Variants in CARMIL1 observed in about 807,000 individuals in gnomAD.
The protein encoded by CARMIL1 is capping protein regulator and myosin 1 linker 1.
In CARMIL1, 90 loss-of-function variants were observed where a neutral mutation model predicts 177.1. The observed-to-expected ratio is 0.51, with a 90% CI of 0.43 to 0.61. The LOEUF (loss-of-function observed/expected upper bound fraction) is 0.61. Among genes scored for constraint, CARMIL1 ranks in the 20% least tolerant of loss-of-function variants. CARMIL1 has a pLI of 0.00. For missense variants in CARMIL1, 1,380 were observed against 1,667.0 expected (o/e 0.83, Z 3.00); for synonymous variants, 577 against 606.2 (o/e 0.95, Z 0.71).
intron 23 of CARMIL1, among the ~76,000 whole-genome samples, chr6:25,526,976 G>A (rs1233111294): frequency 6.6e-6 from 1 of 152,160 alleles, no homozygotes; most frequent in Admixed American, 6.5e-5. Flanking sequence ...AAAAAATACT[G>A]TGATTCAATA....
rs78975171 is a variant in CARMIL1, at chr6:25,554,683, C to T, written c.2592+587C>T. On this transcript the variant is annotated intron_variant, in intron 28 of 36. Coordinates refer to ENST00000329474, the MANE Select transcript of CARMIL1 (RefSeq NM_017640.6). The surrounding 1 kb of genome is among the most constrained non-coding windows in gnomAD (Gnocchi z 4.6). ...AAAATGTATCAGAAACTCAATGTTGCGCAAACTTCAGGAAGTTCTCTGAGG... is the reference window on the plus strand; with the variant it reads ...AAAATGTATCAGAAACTCAATGTTGTGCAAACTTCAGGAAGTTCTCTGAGG... 0.065 allele frequency among the ~76,000 whole-genome samples: 9,877 copies of T among 152,120 alleles called. 402 individuals are homozygous for T. The highest frequency in any genetic ancestry group is 0.095 in the Non-Finnish European group (6,459 of 67,998).
At chr6:25,573,070 G>T (rs1208439968) in intron 29 of CARMIL1, among the ~76,000 whole-genome samples, 3 of 152,124 alleles carry the variant, frequency 2.0e-5, no homozygotes, top group Non-Finnish European at 4.4e-5. Context: ...GGATCTAGAA[G>T]TGAACAAGAC....
intron 2 of CARMIL1, among the ~76,000 whole-genome samples, chr6:25,386,576 C>T (rs1232169986): frequency 1.3e-5 from 2 of 152,158 alleles, no homozygotes; most frequent in Non-Finnish European, 2.9e-5. Flanking sequence ...GCTACTTGAA[C>T]TTTGTTAGTA....
intron 2 of CARMIL1, among the ~76,000 whole-genome samples, chr6:25,389,974 G>T (rs1160864064): frequency 6.6e-6 from 1 of 151,956 alleles, no homozygotes; most frequent in East Asian, 1.9e-4. Flanking sequence ...TTTTCTGGTG[G>T]CAATTGCCTA....
chr6:25,397,070 G>T (rs1197576432), intron 2 of CARMIL1, among the ~76,000 whole-genome samples: 1 of 152,118 alleles, frequency 6.6e-6, no homozygotes, highest in African/African-American at 2.4e-5. Context: ...ATTGAGGGGG[G>T]ATACCAAGAT....
intron 29 of CARMIL1, among the ~76,000 whole-genome samples, chr6:25,573,537 C>G (rs80180116): frequency 6.9e-6 from 1 of 145,866 alleles, no homozygotes; most frequent in Admixed American, 7.1e-5. Flanking sequence ...GGCCAAAAGA[C>G]GCCTCTGCCA....
intron 5 of CARMIL1, among the ~76,000 whole-genome samples, chr6:25,437,656 A>G (rs972770037): frequency 1.4e-4 from 21 of 151,846 alleles, no homozygotes; most frequent in African/African-American, 5.1e-4. Flanking sequence ...CCCACACTGG[A>G]CTCCTCACTT....
intron 2 of CARMIL1, among the ~76,000 whole-genome samples, chr6:25,374,789 T>G (rs1161395162): frequency 6.6e-6 from 1 of 152,206 alleles, no homozygotes; most frequent in East Asian, 1.9e-4. Context: ...TTGTCTTTTT[T>G]TACTGTTGTT....
intron 2 of CARMIL1, among the ~76,000 whole-genome samples, chr6:25,384,756 C>T (rs1186542007): frequency 6.6e-6 from 1 of 152,212 alleles, no homozygotes; most frequent in Admixed American, 6.5e-5. Context: ...GAGACAGTTC[C>T]AGCAGGTACT....
At chr6:25,587,100 A>AGTTTCCTT (rs1813826225) in intron 31 of CARMIL1, among the ~76,000 whole-genome samples, 1 of 152,094 alleles carries the variant, frequency 6.6e-6, no homozygotes, top group African/African-American at 2.4e-5. Flanking sequence ...AACTAGGCAC[A>AGTTTCCTT]AAAATTTAAC....
chr6:25,449,882 GT>G lies in CARMIL1; in HGVS notation c.372-14del. On this transcript the variant is annotated splice_polypyrimidine_tract_variant and intron_variant, in intron 5 of 36. Coordinates refer to ENST00000329474, the MANE Select transcript of CARMIL1 (RefSeq NM_017640.6). ...AGTGTGGTTTGTGAAATGTGTTGTT[GT>G]TGTTGATCTTACAGGAGAATCATGA... is the stretch of plus-strand genomic sequence containing the variant. The G allele has an allele frequency of 1.3e-6, 2 of 1,522,860 alleles. No individual in the cohort carries two copies. Among genetic ancestry groups the G allele is most frequent in the Non-Finnish European group, 1.8e-6 (2 of 1,107,542 alleles). 94.3% of individuals were successfully genotyped at this position (1,522,860 alleles called of 1,614,324 possible).
In CARMIL1 at chr6:25,321,208, T is replaced by C. The variant is rs55798209; in HGVS notation, c.138+36299T>C. ...TATATGATATTTGGCTAGTAAAATG[T>C]GATCCTTTAATATTTTTCAATCTTT... is the stretch of plus-strand genomic sequence containing the variant. On this transcript the variant is annotated intron_variant, in intron 2 of 36. Transcript: ENST00000329474. Among the ~76,000 whole-genome samples, 1,487 of 152,356 alleles carry C rather than the reference T, an allele frequency of 9.8e-3. 8 individuals carry two copies. Among genetic ancestry groups the C allele is most frequent in the Middle Eastern group, 0.054 (16 of 294 alleles).
intron 2 of CARMIL1, among the ~76,000 whole-genome samples, chr6:25,338,972 A>G (rs1373791709): frequency 6.6e-6 from 1 of 152,170 alleles, no homozygotes; most frequent in East Asian, 1.9e-4. Flanking sequence ...AGGCTATATT[A>G]TAGTTTCGAT....
chr6:25,329,720 G>C (rs1785434248), intron 2 of CARMIL1, among the ~76,000 whole-genome samples: 1 of 152,134 alleles, frequency 6.6e-6, no homozygotes, highest in Admixed American at 6.5e-5. Context: ...ATTTCTTCTT[G>C]CTTCAGACAA....
At chr6:25,449,423 C>T (rs1227088542) in intron 5 of CARMIL1, among the ~76,000 whole-genome samples, 3 of 151,992 alleles carry the variant, frequency 2.0e-5, no homozygotes, top group African/African-American at 7.3e-5. Context: ...GTTCTCTGCC[C>T]CAGAAGAATC....
At chr6:25,318,084 A>G (rs1784414089) in intron 2 of CARMIL1, among the ~76,000 whole-genome samples, 1 of 152,194 alleles carries the variant, frequency 6.6e-6, no homozygotes. Context: ...TGGGCTTGGA[A>G]TGTGCCAGAC....
At chr6:25,517,466 A>C in intron 22 of CARMIL1, 51 bp downstream of exon 22, 2 of 1,374,280 alleles carry the variant, frequency 1.5e-6, no homozygotes, top group Non-Finnish European at 1.0e-6. Flanking sequence ...ACAAAAACCA[A>C]TGGTATATAT....
chr6:25,541,433 C>A (rs1020236314), intron 26 of CARMIL1, among the ~76,000 whole-genome samples: 1 of 152,098 alleles, frequency 6.6e-6, no homozygotes, highest in Non-Finnish European at 1.5e-5. Context: ...GATGTACCAG[C>A]ATAATTTATT....
At chr6:25,536,060 G>A (rs753503575) in intron 24 of CARMIL1, among the ~76,000 whole-genome samples, 5 of 152,170 alleles carry the variant, frequency 3.3e-5, no homozygotes, top group Middle Eastern at 3.4e-3. Context: ...TTGTTCTCTC[G>A]TGGTGATTAA....
Sources: allele counts gnomAD v4.1 joint callset (sites outside exome capture counted in the v4.1 genomes callset), GRCh38; gene constraint gnomAD v4.1.1; non-coding constraint Gnocchi (gnomAD v3.1); transcripts MANE v1.5; gene names NCBI Gene and HGNC (gene_info 2026-07-23, HGNC 2026-07-21).